Variants in SLC35A2 observed in about 807,000 individuals in gnomAD.
SLC35A2 encodes the protein solute carrier family 35 member A2.
A neutral mutation model predicts 17.3 loss-of-function variants in SLC35A2; 1 was observed. That is an observed-to-expected ratio of 0.06 (90% CI 0.02 to 0.27). The LOEUF is 0.27. SLC35A2 is among the 10% of genes least tolerant of loss of function. The pLI, the probability that SLC35A2 is intolerant of heterozygous loss-of-function variation, is 1.00. For missense variants in SLC35A2, 191 were observed against 339.3 expected, an observed-to-expected ratio of 0.56 and a Z score of 3.43; for synonymous variants, 161 against 161.3, an observed-to-expected ratio of 1.00 and a Z score of 0.01.
chrX:48,904,351 A>G, intron 4 of SLC35A2: 1 of 1,063,018 alleles, frequency 9.4e-7, no homozygotes, highest in African/African-American at 1.9e-5. Context: ...GTCCTTATGG[A>G]GGTGGAGGGA....
chrX:48,905,072 G>C lies in SLC35A2; in HGVS notation c.837C>G (p.Ala279=). 1 of 1,211,720 alleles carries C rather than the reference G, an allele frequency of 8.3e-7. No homozygotes were observed. The highest frequency in any genetic ancestry group is 1.1e-6 in the Non-Finnish European group (1 of 895,350). The change falls in exon 4 of 5, where the codon GCC becomes GCG. Residue 279 remains alanine (A), a synonymous_variant. Transcript: ENST00000247138. ...PAVWGVVLNQ[A]FGGLLVAVVV... Reference sequence around the variant, plus strand: ...CCACAGCCACCAGTAGCCCGCCGAAGGCCTGGTTGAGCACCACGCCCCAGA... The same window carrying C: ...CCACAGCCACCAGTAGCCCGCCGAACGCCTGGTTGAGCACCACGCCCCAGA...
Position 48,903,240 on chromosome X carries a change from G to T in SLC35A2, c.*198C>A. On this transcript the variant is annotated 3_prime_UTR_variant, in exon 5 of 5. Transcript: ENST00000247138. Reference sequence around the variant, plus strand: ...CTCAGCTAAGAGATAGTGTGGAGCTGGCAGGGGCTGGGGGGCTGAGCTGAG... The same window carrying T: ...CTCAGCTAAGAGATAGTGTGGAGCTTGCAGGGGCTGGGGGGCTGAGCTGAG... 1.0e-6 allele frequency: 1 copy of T among 981,767 alleles called. No individual in the cohort carries two copies. The allele number at this position is 981,767 out of a possible 1,213,427, so 80.9% of individuals were successfully genotyped here.
intron 2 of SLC35A2, 152 bp downstream of exon 2, chrX:48,909,662 A>G (rs2063517022): frequency 2.1e-6 from 1 of 485,176 alleles, no homozygotes; most frequent in South Asian, 3.6e-5. Flanking sequence ...GGGCTAGAAA[A>G]GTGTAAGATG....
intron 1 of SLC35A2, 24 bp downstream of exon 1, chrX:48,911,522 G>A: frequency 8.6e-7 from 1 of 1,158,497 alleles, no homozygotes. Context: ...CCTCCCATGC[G>A]ACTGCTCGGG....
chrX:48,911,900 C>T (rs1569511849), upstream of SLC35A2: 22 of 1,167,541 alleles, frequency 1.9e-5, no homozygotes, highest in Non-Finnish European at 2.3e-5. Context: ...GTCACTAGAC[C>T]CGCCTTATCC....
At position 48,905,133 on chromosome X, in the gene SLC35A2, G is replaced by A. The variant is rs1557042819; in HGVS notation, c.776C>T (p.Ala259Val). 5 of 1,209,808 alleles carry A rather than the reference G, an allele frequency of 4.1e-6. No homozygotes were observed. The highest frequency in any genetic ancestry group is 1.8e-5 in the South Asian group (1 of 56,641). Residue 259 changes from alanine to valine, a missense_variant, in exon 4 of 5, where the codon GCC (alanine) becomes GTC (valine). This residue lies in a region of SLC35A2 where 164 missense variants were observed against 315.3 expected (regional missense o/e 0.52). Transcript: ENST00000247138. ...GLWWAEGTAVATRGFFFGYTP... is the reference protein window; with the variant it reads ...GLWWAEGTAVVTRGFFFGYTP... ...GTACCCAAAAAAGAAACCACGGGTG[G>A]CCACGGCGGTACCCTCAGCCCACCA...
chrX:48,910,344 A>G (rs1453945901), intron 1 of SLC35A2: 3 of 1,022,295 alleles, frequency 2.9e-6, no homozygotes, highest in South Asian at 2.3e-5. Flanking sequence ...ACCGACAACT[A>G]CATTCTCCAC....
intron 2 of SLC35A2, among the ~76,000 whole-genome samples, chrX:48,907,500 G>C (rs1557043293): frequency 9.0e-6 from 1 of 111,336 alleles, no homozygotes; most frequent in African/African-American, 3.3e-5. Context: ...GCCTACCTCG[G>C]CCTCCCAAAG....
chrX:48,904,074 TA>T (rs1378278015), intron 4 of SLC35A2: 3 of 759,036 alleles, frequency 4.0e-6, no homozygotes, highest in East Asian at 1.5e-4. Context: ...CCAAGTCCAC[TA>T]AAAAAAACAA....
Position 48,903,252 on chromosome X carries a change from G to A in SLC35A2, c.*186C>T. ...ATAGTGTGGAGCTGGCAGGGGCTGG[G>A]GGGCTGAGCTGAGGTGGGTCATGAG... On this transcript the variant is annotated 3_prime_UTR_variant, in exon 5 of 5. Coordinates refer to ENST00000247138, the MANE Select transcript of SLC35A2 (RefSeq NM_005660.3). The A allele has an allele frequency of 2.2e-6, 2 of 927,560 alleles. No individual in the cohort carries two copies. Among genetic ancestry groups the A allele is most frequent in the African/African-American group, 3.9e-5 (2 of 51,567 alleles). The allele number at this position is 927,560 out of a possible 1,213,427, so 76.4% of individuals were successfully genotyped here.
At chrX:48,904,565 C>A in intron 4 of SLC35A2, 181 bp downstream of exon 4, 1 of 1,191,362 alleles carries the variant, frequency 8.4e-7, no homozygotes, top group Non-Finnish European at 1.1e-6. Flanking sequence ...ACACCCAGCT[C>A]TAGTCCCACA....
chrX:48,904,263 G>T, intron 4 of SLC35A2: 2 of 928,504 alleles, frequency 2.2e-6, no homozygotes, highest in Non-Finnish European at 2.7e-6. Context: ...AGGAGAGAAG[G>T]CCTCAAACTA....
chrX:48,910,084 C>A, intron 1 of SLC35A2, 88 bp from the exon 2 acceptor site: 1 of 940,339 alleles, frequency 1.1e-6, no homozygotes, highest in South Asian at 2.2e-5. Context: ...CTTTCTTTCT[C>A]ACCCAGGACC....
intron 4 of SLC35A2, chrX:48,904,319 C>A: frequency 9.7e-7 from 1 of 1,031,237 alleles, no homozygotes; most frequent in African/African-American, 1.9e-5. Flanking sequence ...TCCTGAAGAG[C>A]TGCGGGAGTT....
At chrX:48,904,036 C>T (rs1326670525) in intron 4 of SLC35A2, 1 of 758,787 alleles carries the variant, frequency 1.3e-6, no homozygotes, top group African/African-American at 2.3e-5. Context: ...CACCCTGGAT[C>T]ATTAATGATA....
At chrX:48,906,319 C>T (rs1557043086) in intron 3 of SLC35A2, 73 bp downstream of exon 3, 1 of 995,153 alleles carries the variant, frequency 1.0e-6, no homozygotes, top group South Asian at 2.0e-5. Flanking sequence ...AACACCCCCC[C>T]ACCACGCTAT....
At position 48,904,716 on chromosome X, in the gene SLC35A2, G is replaced by C. The variant is rs782130871; in HGVS notation, c.1163+30C>G. On this transcript the variant is annotated intron_variant, in intron 4 of 4. Transcript: ENST00000247138. ...TCCCCCTCCCTTGTGTCCCCCCATT[G>C]CTGCCAGCCCTCACTTCACCAGCAC... is the stretch of plus-strand genomic sequence containing the variant. 42 of 1,208,841 alleles carry C rather than the reference G, an allele frequency of 3.5e-5. No homozygotes were observed. The highest frequency in any genetic ancestry group is 4.5e-5 in the Non-Finnish European group (40 of 894,280).
intron 4 of SLC35A2, 162 bp from the exon 5 acceptor site, chrX:48,903,627 A>G (rs2063461054): frequency 4.7e-6 from 3 of 643,479 alleles, no homozygotes; most frequent in Non-Finnish European, 7.0e-6. Context: ...TAAATACAAC[A>G]TCTTTATTTG....
chrX:48,911,053 G>C (rs782328043), intron 1 of SLC35A2, among the ~76,000 whole-genome samples: 1 of 110,529 alleles, frequency 9.0e-6, no homozygotes, highest in East Asian at 2.9e-4. Context: ...CATTAGGAGG[G>C]AGCCCCCAGA....
Sources: allele counts gnomAD v4.1 joint callset (sites outside exome capture counted in the v4.1 genomes callset), GRCh38; gene constraint gnomAD v4.1.1; regional missense constraint gnomAD v4.1.1; transcripts MANE v1.5; gene names NCBI Gene and HGNC (gene_info 2026-07-23, HGNC 2026-07-21).